MAD1L1: variants seen among roughly 807,000 people sequenced by gnomAD.
MAD1L1 encodes the protein mitotic spindle assembly checkpoint protein MAD1.
A neutral mutation model predicts 96.9 loss-of-function variants in MAD1L1; 95 were observed. The observed-to-expected ratio is 0.98, with a 90% CI of 0.83 to 1.16. MAD1L1 has a LOEUF of 1.16. Among genes scored for constraint, MAD1L1 ranks in the 50% most tolerant of loss-of-function variants. The pLI is 0.00. For missense variants in MAD1L1, 1,007 were observed against 954.4 expected, an observed-to-expected ratio of 1.06 and a Z score of -0.73; for synonymous variants, 473 against 396.6, an observed-to-expected ratio of 1.19 and a Z score of -2.29.
At chr7:2,098,989 C>T (rs1006710083) in intron 11 of MAD1L1, among the ~76,000 whole-genome samples, 1 of 152,168 alleles carries the variant, frequency 6.6e-6, no homozygotes, top group Non-Finnish European at 1.5e-5. Flanking sequence ...AGGAAGGTGC[C>T]GGAATGTCTG....
At position 2,013,214 on chromosome 7, in the gene MAD1L1, G is replaced by A. The variant is rs149952593; in HGVS notation, c.1359+1288C>T. On this transcript the variant is annotated intron_variant, in intron 13 of 18. Transcript: ENST00000265854. ...ACGCCTGTGAGGCTGGCTCTCCATC[G>A]GGGGACCCAGGTCATCTTCCAGCTG... 4.2e-3 allele frequency among the ~76,000 whole-genome samples: 641 copies of A among 152,340 alleles called. 7 individuals carry two copies. The highest frequency in any genetic ancestry group is 0.014 in the African/African-American group (584 of 41,580).
At chr7:2,105,487 G>A (rs907183006) in intron 11 of MAD1L1, among the ~76,000 whole-genome samples, 1 of 152,106 alleles carries the variant, frequency 6.6e-6, no homozygotes, top group African/African-American at 2.4e-5. Context: ...GGCAGGGAGC[G>A]TGGATCATCA....
intron 11 of MAD1L1, among the ~76,000 whole-genome samples, chr7:2,128,439 G>C (rs186566328): frequency 6.6e-6 from 1 of 152,018 alleles, no homozygotes; most frequent in Non-Finnish European, 1.5e-5. Context: ...TCATCAGCAC[G>C]GGAGTCACAA....
chr7:2,026,808 A>G (rs79447549), intron 12 of MAD1L1, among the ~76,000 whole-genome samples: 10,961 of 152,300 alleles, frequency 0.072, 584 homozygotes, highest in South Asian at 0.1. Context: ...CCTTAAATGC[A>G]TATACTGTAA....
At position 1,882,937 on chromosome 7, in the gene MAD1L1, AACACCAAACC is replaced by A. The variant is rs1562486525; in HGVS notation, c.1998+15253_1998+15262del. Among the ~76,000 whole-genome samples, 1,116 of 144,932 alleles carry A rather than the reference AACACCAAACC, an allele frequency of 7.7e-3. 14 individuals carry two copies. The highest frequency in any genetic ancestry group is 0.026 in the African/African-American group (1,014 of 38,488). On this transcript the variant is annotated intron_variant, in intron 18 of 18. Transcript: ENST00000265854. ...AAACGGCCCCAGGAACCAGCTCTTTAACACCAAACCTGGTGTCACAAACGACTCCAGGAAC... is the reference window on the plus strand; with the variant it reads ...AAACGGCCCCAGGAACCAGCTCTTTATGGTGTCACAAACGACTCCAGGAAC...
chr7:2,146,101 C>T lies in MAD1L1; in HGVS notation c.1073+3051G>A, dbSNP rs952548219. Among the ~76,000 whole-genome samples, 2 of 152,198 alleles carry T rather than the reference C, an allele frequency of 1.3e-5. No homozygotes were observed. The highest frequency in any genetic ancestry group is 2.4e-5 in the African/African-American group (1 of 41,440). On this transcript the variant is annotated intron_variant, in intron 11 of 18. Coordinates refer to ENST00000265854, the MANE Select transcript of MAD1L1 (RefSeq NM_001013836.2). This position sits in a 1 kb window ranked among gnomAD's most constrained non-coding sequence, Gnocchi z 6.2. ...ACTACGCCGGCTGATAGGCAACATT[C>T]ATCTTCTAAAAGCCAAGCTCCTGAA... is the stretch of plus-strand genomic sequence containing the variant.
intron 12 of MAD1L1, among the ~76,000 whole-genome samples, chr7:2,047,537 G>A (rs1562636244): frequency 6.6e-6 from 1 of 152,166 alleles, no homozygotes; most frequent in Non-Finnish European, 1.5e-5. Flanking sequence ...CTGCTTTATT[G>A]CTGTTTAATA....
At chr7:1,903,166 G>C (rs181524584) in intron 17 of MAD1L1, among the ~76,000 whole-genome samples, 14 of 151,318 alleles carry the variant, frequency 9.3e-5, no homozygotes, top group African/African-American at 3.2e-4. Flanking sequence ...CACTGTTCCA[G>C]GCAGCAAGCA....
chr7:2,037,364 G>A (rs541137327), intron 12 of MAD1L1, among the ~76,000 whole-genome samples: 5 of 152,176 alleles, frequency 3.3e-5, no homozygotes, highest in African/African-American at 4.8e-5. Flanking sequence ...ACCCAGGCAC[G>A]CCTTGCTCTC....
At chr7:2,193,822 G>A (rs17790613) in intron 10 of MAD1L1, among the ~76,000 whole-genome samples, 20,868 of 151,628 alleles carry the variant, frequency 0.14, 1,683 homozygotes, top group Middle Eastern at 0.27. Flanking sequence ...CCACACCGTC[G>A]CCCAACTGTC....
chr7:2,088,373 T>A lies in MAD1L1; in HGVS notation c.1074-19035A>T, dbSNP rs1438812359. Among the ~76,000 whole-genome samples the A allele has an allele frequency of 6.6e-6, 1 of 152,092 alleles. No homozygotes were observed. The highest frequency in any genetic ancestry group is 1.5e-5 in the Non-Finnish European group (1 of 68,010). On this transcript the variant is annotated intron_variant, in intron 11 of 18. Transcript: ENST00000265854. This position sits in a 1 kb window ranked among gnomAD's most constrained non-coding sequence, Gnocchi z 4.4. The stretch of plus-strand genomic sequence containing the variant: ...CCGTGTCGGCGCCAGCCCTCCAACC[T>A]TCTGGCCCACACTGAGCCACCTATT...
intron 18 of MAD1L1, among the ~76,000 whole-genome samples, chr7:1,844,435 C>G (rs192553013): frequency 1.3e-5 from 2 of 152,216 alleles, no homozygotes; most frequent in Admixed American, 6.5e-5. Context: ...CCACTGCAGA[C>G]CCTGACACGC....
intron 10 of MAD1L1, among the ~76,000 whole-genome samples, chr7:2,183,914 AAT>A (rs1791328600): frequency 6.6e-6 from 1 of 151,522 alleles, no homozygotes; most frequent in African/African-American, 2.4e-5. Context: ...ATAATAAAAA[AAT>A]AAAAATAAAA....
intron 12 of MAD1L1, among the ~76,000 whole-genome samples, chr7:2,030,505 A>G (rs958483055): frequency 2.0e-5 from 3 of 152,240 alleles, no homozygotes; most frequent in Non-Finnish European, 4.4e-5. Context: ...CGCTAATTAG[A>G]GCCTGTTACA....
chr7:2,024,961 A>T (rs1782937836), intron 12 of MAD1L1, among the ~76,000 whole-genome samples: 1 of 152,252 alleles, frequency 6.6e-6, no homozygotes, highest in South Asian at 2.1e-4. Context: ...TGAGGGAAAC[A>T]TGATATTATG....
intron 10 of MAD1L1, among the ~76,000 whole-genome samples, chr7:2,186,943 G>A (rs780329270): frequency 3.9e-5 from 6 of 151,986 alleles, no homozygotes; most frequent in South Asian, 2.1e-4. Flanking sequence ...ACAGGCATGC[G>A]CCACCACGCC....
At chr7:1,884,631 T>C (rs899987012) in intron 18 of MAD1L1, among the ~76,000 whole-genome samples, 3 of 151,616 alleles carry the variant, frequency 2.0e-5, no homozygotes, top group African/African-American at 7.3e-5. Flanking sequence ...CGACCGAGAG[T>C]GGCCTGGTGA....
chr7:2,070,261 T>C (rs557358325), intron 11 of MAD1L1, among the ~76,000 whole-genome samples: 31 of 152,346 alleles, frequency 2.0e-4, no homozygotes, highest in African/African-American at 6.7e-4. Flanking sequence ...GCAACGGCTT[T>C]CTGTGATTCC....
intron 18 of MAD1L1, among the ~76,000 whole-genome samples, chr7:1,852,276 C>T (rs1320880918): frequency 6.6e-6 from 1 of 152,222 alleles, no homozygotes; most frequent in Non-Finnish European, 1.5e-5. Context: ...CAGCTGGGTT[C>T]AGGCCCCCAC....
Sources: allele counts gnomAD v4.1 joint callset (sites outside exome capture counted in the v4.1 genomes callset), GRCh38; gene constraint gnomAD v4.1.1; non-coding constraint Gnocchi (gnomAD v3.1); transcripts MANE v1.5; gene names NCBI Gene and HGNC (gene_info 2026-07-23, HGNC 2026-07-21).